The following MELTF variants were observed in gnomAD, a reference collection of about 807,000 sequenced individuals.
MELTF encodes the protein antigen p97 (melanoma associated) identified by monoclonal antibodies 133.2 and 96.5.
In MELTF, 67 loss-of-function variants were observed where a neutral mutation model predicts 83.7. The observed-to-expected ratio is 0.80, with a 90% CI of 0.66 to 0.98. MELTF has a LOEUF of 0.98. Among genes scored for constraint, MELTF ranks in the 50% least tolerant of loss-of-function variants. The pLI, the probability that MELTF is intolerant of heterozygous loss-of-function variation, is 0.00. For synonymous variants in MELTF, 462 were observed against 447.6 expected, an observed-to-expected ratio of 1.03 and a Z score of -0.41; for missense variants, 1,002 against 1,035.6, an observed-to-expected ratio of 0.97 and a Z score of 0.44.
In MELTF at chr3:197,006,561, C is replaced by T. The variant is rs1386540955; in HGVS notation, c.1926G>A (p.Leu642=). 9.9e-6 allele frequency: 16 copies of T among 1,613,046 alleles called. No individual in the cohort carries two copies. Among genetic ancestry groups the T allele is most frequent in the South Asian group, 6.6e-5 (6 of 91,032 alleles). Residue 642 remains leucine, a synonymous_variant, in exon 14 of 16, where the codon CTG becomes CTA. Coordinates refer to ENST00000296350, the MANE Select transcript of MELTF (RefSeq NM_005929.6). The surrounding 1 kb of genome is among the most constrained non-coding windows in gnomAD (Gnocchi z 5.4). The part of the protein sequence containing the change: ...DTNIFTVYGL[L]DKAQDLFGDD... ...CACCCTGGCTCACCTGGGCCTTGTC[C>T]AGCAGTCCATACACGGTGAAGATGT...
chr3:197,023,170 GCCC>G (rs1401059652), intron 4 of MELTF, 57 bp from the exon 5 acceptor site: 1 of 1,585,626 alleles, frequency 6.3e-7, no homozygotes, highest in Non-Finnish European at 8.6e-7. Context: ...GCCAAGCCAA[GCCC>G]CCAGGGTCAG....
chr3:197,022,992 G>C lies in MELTF; in HGVS notation c.609C>G (p.Pro203=), dbSNP rs1180213638. The change falls in exon 5 of 16, where the codon CCC becomes CCG. Residue 203 remains proline (P), a synonymous_variant. Coordinates refer to ENST00000296350, the MANE Select transcript of MELTF (RefSeq NM_005929.6). The surrounding 1 kb of genome is among the most constrained non-coding windows in gnomAD (Gnocchi z 5.1). ...CGCTGTAGTCGTAGTATCTCTCCAG[G>C]GGGCTCTTGTCACACACCCCTTCCC... is the stretch of plus-strand genomic sequence containing the variant. The part of the protein sequence containing the change: ...SSGEGVCDKS[P]LERYYDYSGA... The C allele has an allele frequency of 1.2e-6, 2 of 1,613,428 alleles. No homozygotes were observed. Among genetic ancestry groups the C allele is most frequent in the East Asian group, 2.2e-5 (1 of 44,874 alleles).
At chr3:197,014,480 C>T (rs1032956792) in intron 9 of MELTF, among the ~76,000 whole-genome samples, 11 of 147,552 alleles carry the variant, frequency 7.5e-5, no homozygotes, top group East Asian at 6.0e-4. Flanking sequence ...CTCCACCTCC[C>T]GGGTCCAAGC....
chr3:197,022,001 G>A lies in MELTF; in HGVS notation c.645-530C>T, dbSNP rs1446449618. On this transcript the variant is annotated intron_variant, in intron 5 of 15. Transcript: ENST00000296350. This position sits in a 1 kb window ranked among gnomAD's most constrained non-coding sequence, Gnocchi z 5.1. ...CCAAAGTAGCTGGGGTGACAGGTGTGTGCCACCATGCTGGGCTAATTTTCA... is the reference window on the plus strand; with the variant it reads ...CCAAAGTAGCTGGGGTGACAGGTGTATGCCACCATGCTGGGCTAATTTTCA... Among the ~76,000 whole-genome samples, 1 of 152,176 alleles carries A rather than the reference G, an allele frequency of 6.6e-6. No individual in the cohort carries two copies. The highest frequency in any genetic ancestry group is 2.4e-5 in the African/African-American group (1 of 41,436).
chr3:197,022,746 G>A lies in MELTF; in HGVS notation c.644+211C>T, dbSNP rs1243960582. Among the ~76,000 whole-genome samples the A allele has an allele frequency of 6.6e-6, 1 of 152,176 alleles. No homozygotes were observed. The highest frequency in any genetic ancestry group is 2.4e-5 in the African/African-American group (1 of 41,430). On this transcript the variant is annotated intron_variant, in intron 5 of 15. Transcript: ENST00000296350. This position sits in a 1 kb window ranked among gnomAD's most constrained non-coding sequence, Gnocchi z 5.1. The stretch of plus-strand genomic sequence containing the variant: ...CCTCACTAAATATACCAAACACGTT[G>A]ATTTCATGAGCAAATCCGGTTTGGC...
chr3:197,021,289 C>A, intron 6 of MELTF, 115 bp downstream of exon 6: 1 of 914,686 alleles, frequency 1.1e-6, no homozygotes. Context: ...CCCAGAGACT[C>A]AGAGCAGCAC....
Position 197,024,233 on chromosome 3 carries a change from A to AGGGAC in MELTF, c.487+65_487+69dup. ...AGGCCGGAGGGAGGCTACCCAGTGA[A>AGGGAC]GGGACGAGCATGGGCCAAGGAAAGG... On this transcript the variant is annotated intron_variant, in intron 4 of 15. Transcript: ENST00000296350. The surrounding 1 kb of genome is among the most constrained non-coding windows in gnomAD (Gnocchi z 5.3). The AGGGAC allele has an allele frequency of 6.8e-7, 1 of 1,467,856 alleles. No homozygotes were observed. Among genetic ancestry groups the AGGGAC allele is most frequent in the South Asian group, 1.3e-5 (1 of 74,522 alleles). The allele number at this position is 1,467,856 out of a possible 1,614,324, so 90.9% of individuals were successfully genotyped here.
At position 197,011,148 on chromosome 3, in the gene MELTF, C is replaced by T. The variant is rs865776574; in HGVS notation, c.1234-354G>A. Among the ~76,000 whole-genome samples, 49 of 152,354 alleles carry T rather than the reference C, an allele frequency of 3.2e-4. No homozygotes were observed. Among genetic ancestry groups the T allele is most frequent in the Middle Eastern group, 6.8e-3 (2 of 294 alleles). On this transcript the variant is annotated intron_variant, in intron 9 of 15. Coordinates refer to ENST00000296350, the MANE Select transcript of MELTF (RefSeq NM_005929.6). The surrounding 1 kb of genome is among the most constrained non-coding windows in gnomAD (Gnocchi z 4.2). ...TGTGCCCTGCCAGCCCCCAGACAGCCGGGCACCGCCTCTCCAGCACCTGGC... is the reference window on the plus strand; with the variant it reads ...TGTGCCCTGCCAGCCCCCAGACAGCTGGGCACCGCCTCTCCAGCACCTGGC...
chr3:197,010,637 T>G, intron 10 of MELTF, 61 bp downstream of exon 10: 1 of 1,441,644 alleles, frequency 6.9e-7, no homozygotes, highest in South Asian at 1.1e-5. Context: ...GGGCACTCTT[T>G]TATATTTATA....
chr3:197,019,932 C>T (rs962082780), intron 6 of MELTF: 23 of 1,326,050 alleles, frequency 1.7e-5, no homozygotes, highest in Non-Finnish European at 2.1e-5. Flanking sequence ...CTGGCAGGTG[C>T]GGGGAGATAA....
chr3:197,025,065 G>A (rs896674209), intron 3 of MELTF, among the ~76,000 whole-genome samples: 1 of 152,260 alleles, frequency 6.6e-6, no homozygotes, highest in Non-Finnish European at 1.5e-5. Context: ...GCTGCAGGGT[G>A]TGTGTGGTGG....
Position 197,024,492 on chromosome 3 carries a change from G to T in MELTF, c.305-7C>A. The T allele has an allele frequency of 6.4e-7, 1 of 1,565,786 alleles. No individual in the cohort carries two copies. Among genetic ancestry groups the T allele is most frequent in the Non-Finnish European group, 8.7e-7 (1 of 1,147,948 alleles). ...TAATAGGAGGTACCGACCTCTAGGA[G>T]GGGAGGGGAGTGGGTGAGGGCAGCA... is the stretch of plus-strand genomic sequence containing the variant. On this transcript the variant is annotated splice_polypyrimidine_tract_variant and splice_region_variant and intron_variant, in intron 3 of 15. Coordinates refer to ENST00000296350, the MANE Select transcript of MELTF (RefSeq NM_005929.6). This position sits in a 1 kb window ranked among gnomAD's most constrained non-coding sequence, Gnocchi z 5.3.
intron 2 of MELTF, 47 bp from the exon 3 acceptor site, chr3:197,026,806 C>G: frequency 1.3e-6 from 2 of 1,564,946 alleles, no homozygotes; most frequent in Non-Finnish European, 1.7e-6. Flanking sequence ...CTGGCCTGCT[C>G]AGCAAAGAAC....
At chr3:197,010,127 GT>G (rs1339484077) in intron 10 of MELTF, among the ~76,000 whole-genome samples, 2 of 152,240 alleles carry the variant, frequency 1.3e-5, no homozygotes, top group African/African-American at 4.8e-5. Flanking sequence ...CAGGAGGAAA[GT>G]GGAGGCGCAG....
In MELTF at chr3:197,019,813, G is replaced by A. The variant is rs141945025; in HGVS notation, c.712+1591C>T. ...TCGTGATGGACTTTCTGATTTAAAA[G>A]GCAATGGTTAATAACAGCAAAGAAT... On this transcript the variant is annotated intron_variant, in intron 6 of 15. Transcript: ENST00000296350. 2.6e-6 allele frequency: 4 copies of A among 1,561,862 alleles called. No individual in the cohort carries two copies. In the Admixed American group the frequency reaches 7.1e-5, roughly 28 times the overall value.
At position 197,022,977 on chromosome 3, in the gene MELTF, G is replaced by C. The variant is rs1452813065; in HGVS notation, c.624C>G (p.Tyr208Ter). Residue 208 changes from tyrosine to a stop codon, truncating the protein, a stop_gained, in exon 5 of 16, where the codon TAC (tyrosine) becomes TAG (stop). Coordinates refer to ENST00000296350, the MANE Select transcript of MELTF (RefSeq NM_005929.6). LOFTEE classifies it high-confidence loss of function. The surrounding 1 kb of genome is among the most constrained non-coding windows in gnomAD (Gnocchi z 5.1). ...VCDKSPLERY[Y>*]DYSGAFRCLA... ...CTCACCGGAAGGCCCCGCTGTAGTC[G>C]TAGTATCTCTCCAGGGGGCTCTTGT... 6.2e-7 allele frequency: 1 copy of C among 1,611,040 alleles called. No individual in the cohort carries two copies. Among genetic ancestry groups the C allele is most frequent in the Non-Finnish European group, 8.5e-7 (1 of 1,179,136 alleles).
chr3:197,027,874 G>C lies in MELTF; in HGVS notation c.86C>G (p.Ser29Trp). 2 of 1,606,696 alleles carry C rather than the reference G, an allele frequency of 1.2e-6. No homozygotes were observed. Among genetic ancestry groups the C allele is most frequent in the South Asian group, 2.2e-5 (2 of 90,540 alleles). ...GCCGCACTTGTGCTGCTCTGGGTCC[G>C]AGGTGGCGCACCACCGCACCTCCAT... ...GGMEVRWCAT[S>W]DPEQHKCGNM... Residue 29 changes from serine to tryptophan, a missense_variant, in exon 2 of 16, where the codon TCG (serine) becomes TGG (tryptophan). Coordinates refer to ENST00000296350, the MANE Select transcript of MELTF (RefSeq NM_005929.6).
chr3:197,017,266 T>C lies in MELTF; in HGVS notation c.737A>G (p.Gln246Arg). The change falls in exon 7 of 16, where the codon CAG (glutamine) becomes CGG (arginine). Residue 246 changes from glutamine to arginine, a missense_variant. Transcript: ENST00000296350. Reference protein sequence around the residue: ...TDGKTLPSWGQALLSQDFELL... With the variant: ...TDGKTLPSWGRALLSQDFELL... ...CTCGAAGTCCTGTGACAGCAGGGCC[T>C]GGCCCCAGGAGGGAAGCGTCTTCCC... 2 of 1,571,702 alleles carry C rather than the reference T, an allele frequency of 1.3e-6. No homozygotes were observed. Among genetic ancestry groups the C allele is most frequent in the Non-Finnish European group, 1.7e-6 (2 of 1,158,770 alleles).
Position 197,002,655 on chromosome 3 carries a change from CG to C in MELTF, c.*716del. The C allele has an allele frequency of 6.6e-6, 1 of 152,170 alleles. No homozygotes were observed. The highest frequency in any genetic ancestry group is 1.5e-5 in the Non-Finnish European group (1 of 68,072). 9.4% of individuals were successfully genotyped at this position (152,170 alleles called of 1,614,324 possible). On this transcript the variant is annotated 3_prime_UTR_variant, in exon 16 of 16. Coordinates refer to ENST00000296350, the MANE Select transcript of MELTF (RefSeq NM_005929.6). The stretch of plus-strand genomic sequence containing the variant: ...GTGGGTGCGGGCGGTGGGCATCCCA[CG>C]GGGGTAGGGGAGGCGAGAGCCTGAG...
Sources: allele counts gnomAD v4.1 joint callset (sites outside exome capture counted in the v4.1 genomes callset), GRCh38; gene constraint gnomAD v4.1.1; non-coding constraint Gnocchi (gnomAD v3.1); transcripts MANE v1.5; gene names NCBI Gene and HGNC (gene_info 2026-07-23, HGNC 2026-07-21).